The following FAM135B variants were observed in gnomAD, a reference collection of about 807,000 sequenced individuals.
The protein encoded by FAM135B is family with sequence similarity 135 member B.
Under a neutral mutation model 127.7 loss-of-function variants are expected in FAM135B, and 43 were observed. That is an observed-to-expected ratio of 0.34 (90% CI 0.26 to 0.43). FAM135B has a LOEUF of 0.43. Ranked by LOEUF, FAM135B falls within the 20% of genes least tolerant of loss-of-function variation. FAM135B has a pLI of 1.00. For missense variants in FAM135B, 1,558 were observed against 1,725.6 expected, an observed-to-expected ratio of 0.90 and a Z score of 1.72; for synonymous variants, 670 against 665.1, an observed-to-expected ratio of 1.01 and a Z score of -0.11.
At chr8:138,216,406 C>G (rs1338913276) in intron 7 of FAM135B, among the ~76,000 whole-genome samples, 1 of 152,052 alleles carries the variant, frequency 6.6e-6, no homozygotes. Flanking sequence ...AGCATGAAGG[C>G]AGACATTTCT....
chr8:138,489,576 C>A (rs1304433487), intron 1 of FAM135B, among the ~76,000 whole-genome samples: 1 of 152,158 alleles, frequency 6.6e-6, no homozygotes, highest in African/African-American at 2.4e-5. Flanking sequence ...TATCTGTCAT[C>A]TCCCAGTTTA....
At chr8:138,413,189 T>A (rs113695275) in intron 1 of FAM135B, among the ~76,000 whole-genome samples, 19 of 152,284 alleles carry the variant, frequency 1.2e-4, no homozygotes, top group African/African-American at 4.6e-4. Context: ...TCAAATAGAA[T>A]TGATGAAGTT....
rs139427969 is a variant in FAM135B at position 138,387,773 on chromosome 8, T to A, written c.-19-19771A>T. ...AGTGCCAGAGAGAATAATCACAGAA[T>A]CATGAACCACTTACTCTCAAGTCCC... On this transcript the variant is annotated intron_variant, in intron 1 of 19. Transcript: ENST00000395297. Among the ~76,000 whole-genome samples the A allele has an allele frequency of 7.9e-5, 12 of 152,196 alleles. No homozygotes were observed. The East Asian group carries it at 2.3e-3, about 29-fold the overall frequency.
intron 1 of FAM135B, among the ~76,000 whole-genome samples, chr8:138,446,697 A>G (rs1836182713): frequency 2.0e-5 from 3 of 152,102 alleles, no homozygotes; most frequent in African/African-American, 7.2e-5. Flanking sequence ...AAAACCATAA[A>G]AACCCTAGAA....
At chr8:138,381,478 G>T (rs1831854785) in intron 1 of FAM135B, among the ~76,000 whole-genome samples, 1 of 152,134 alleles carries the variant, frequency 6.6e-6, no homozygotes, top group Non-Finnish European at 1.5e-5. Flanking sequence ...CCCTGAATAG[G>T]TTATGCTCTG....
At chr8:138,439,335 C>G (rs1427117690) in intron 1 of FAM135B, 1 of 152,094 alleles carries the variant, frequency 6.6e-6, no homozygotes, top group Non-Finnish European at 1.5e-5. Flanking sequence ...CAAGATTAAG[C>G]AGCTAATCAC....
intron 1 of FAM135B, among the ~76,000 whole-genome samples, chr8:138,431,081 A>C (rs959324459): frequency 6.6e-6 from 1 of 152,238 alleles, no homozygotes; most frequent in Non-Finnish European, 1.5e-5. Context: ...TAGAGACAAC[A>C]GGTATACACC....
chr8:138,403,619 A>C (rs1464693255), intron 1 of FAM135B, among the ~76,000 whole-genome samples: 1 of 152,218 alleles, frequency 6.6e-6, no homozygotes, highest in Non-Finnish European at 1.5e-5. Flanking sequence ...AAGGTTGACA[A>C]GGCATCCCAA....
Position 138,132,472 on chromosome 8 carries a change from G to A in FAM135B, c.*121C>T. 1 of 795,284 alleles carries A rather than the reference G, an allele frequency of 1.3e-6. No individual in the cohort carries two copies. Among genetic ancestry groups the A allele is most frequent in the Non-Finnish European group, 2.1e-6 (1 of 481,812 alleles). The allele number at this position is 795,284 out of a possible 1,614,324, so 49.3% of individuals were successfully genotyped here. A position where few individuals can be genotyped will look rare whatever the true frequency, so the allele number is the denominator to read the frequency against. ...ACCTCTCATGTCAGGTTCCACCCGAGCCTCCGTCCCCCAATGCTGTTGAAG... is the reference window on the plus strand; with the variant it reads ...ACCTCTCATGTCAGGTTCCACCCGAACCTCCGTCCCCCAATGCTGTTGAAG... On this transcript the variant is annotated 3_prime_UTR_variant, in exon 20 of 20. Coordinates refer to ENST00000395297, the MANE Select transcript of FAM135B (RefSeq NM_015912.4). This position sits in a 1 kb window ranked among gnomAD's most constrained non-coding sequence, Gnocchi z 4.5.
At chr8:138,413,622 A>T (rs1833982398) in intron 1 of FAM135B, among the ~76,000 whole-genome samples, 1 of 152,246 alleles carries the variant, frequency 6.6e-6, no homozygotes, top group African/African-American at 2.4e-5. Flanking sequence ...TAAATCCAAT[A>T]AAGCAAGAAG....
chr8:138,373,438 G>A (rs916758347), intron 1 of FAM135B, among the ~76,000 whole-genome samples: 17 of 150,468 alleles, frequency 1.1e-4, no homozygotes, highest in Admixed American at 2.7e-4. Flanking sequence ...CATCTCGTAA[G>A]CCGAGGAGGA....
At chr8:138,299,921 T>A (rs1256433411) in intron 3 of FAM135B, among the ~76,000 whole-genome samples, 2 of 152,162 alleles carry the variant, frequency 1.3e-5, no homozygotes, top group Non-Finnish European at 2.9e-5. Context: ...TATATTTTAA[T>A]ATAATTGCTA....
At chr8:138,452,625 T>A (rs1587489310) in intron 1 of FAM135B, among the ~76,000 whole-genome samples, 2 of 152,180 alleles carry the variant, frequency 1.3e-5, no homozygotes, top group African/African-American at 4.8e-5. Flanking sequence ...TACTCAGCAA[T>A]TATAAACAAT....
intron 8 of FAM135B, among the ~76,000 whole-genome samples, chr8:138,196,666 G>A (rs16908548): frequency 0.017 from 2,567 of 152,286 alleles, 71 homozygotes; most frequent in African/African-American, 0.057. Context: ...TACCCAGCAG[G>A]GTTCTAATGT....
At chr8:138,403,920 T>C (rs1019598190) in intron 1 of FAM135B, among the ~76,000 whole-genome samples, 5 of 152,218 alleles carry the variant, frequency 3.3e-5, no homozygotes, top group African/African-American at 1.2e-4. Context: ...GCATTTAGTG[T>C]GTAGAAGACA....
intron 1 of FAM135B, among the ~76,000 whole-genome samples, chr8:138,414,412 G>T (rs757168919): frequency 2.0e-4 from 30 of 152,034 alleles, no homozygotes; most frequent in Non-Finnish European, 3.5e-4. Flanking sequence ...ACAGACTGTT[G>T]TTCCTGTTCT....
intron 7 of FAM135B, among the ~76,000 whole-genome samples, chr8:138,215,998 A>G (rs1162787928): frequency 1.3e-5 from 2 of 152,208 alleles, no homozygotes; most frequent in African/African-American, 2.4e-5. Context: ...TGGAAGCGAT[A>G]TTCATTTCCA....
intron 1 of FAM135B, among the ~76,000 whole-genome samples, chr8:138,428,423 T>A (rs1257118858): frequency 1.3e-5 from 2 of 152,048 alleles, no homozygotes; most frequent in African/African-American, 4.8e-5. Context: ...TGCAACATAA[T>A]TGTGATTTCT....
chr8:138,376,539 T>C (rs1206915102), intron 1 of FAM135B, among the ~76,000 whole-genome samples: 1 of 152,176 alleles, frequency 6.6e-6, no homozygotes, highest in Non-Finnish European at 1.5e-5. Flanking sequence ...GCCCTTACCA[T>C]GATTCAAGAG....
Sources: gnomAD v4.1 joint callset for allele counts (sites outside exome capture counted in the v4.1 genomes callset) on GRCh38, gnomAD v4.1.1 for gene constraint, Gnocchi (gnomAD v3.1) non-coding constraint, MANE v1.5 for transcripts, NCBI Gene and HGNC (gene_info 2026-07-23, HGNC 2026-07-21) for gene names.